NKX6-3: variants seen among roughly 807,000 people sequenced by gnomAD.
The protein encoded by NKX6-3 is homeobox protein Nkx-6.3.
NKX6-3 carries 17 observed loss-of-function variants against 22.0 expected under a neutral mutation model. The ratio of observed to expected loss-of-function variants is 0.77; its 90% CI spans 0.53 to 1.16. The LOEUF is 1.16. Ranked by LOEUF, NKX6-3 falls within the 50% of genes most tolerant of loss-of-function variation. The pLI is 0.00. For synonymous variants in NKX6-3, 177 were observed against 167.2 expected (o/e 1.06, Z -0.45); for missense variants, 363 against 359.0 (o/e 1.01, Z -0.09).
At position 41,647,779 on chromosome 8, in the gene NKX6-3, G is replaced by GGA. The variant is rs143318451; in HGVS notation, c.552+285_552+286dup. On this transcript the variant is annotated intron_variant, in intron 2 of 2. Coordinates refer to ENST00000518699, the MANE Select transcript of NKX6-3 (RefSeq NM_001364841.2). ...CCAGCTCTCCCAGCTCTCCCAGCCGGGAGACACTGATCTTCATCTGCGAAA... is the reference window on the plus strand; with the variant it reads ...CCAGCTCTCCCAGCTCTCCCAGCCGGGAGAGACACTGATCTTCATCTGCGAAA... Among the ~76,000 whole-genome samples the GGA allele has an allele frequency of 9.7e-3, 1,470 of 152,202 alleles. 5 individuals are homozygous for GGA. The highest frequency in any genetic ancestry group is 0.015 in the Non-Finnish European group (1,047 of 68,006).
At position 41,646,390 on chromosome 8, in the gene NKX6-3, A is replaced by G; in HGVS notation, c.*59T>C. 6.5e-7 allele frequency: 1 copy of G among 1,533,998 alleles called. No homozygotes were observed. The highest frequency in any genetic ancestry group is 2.4e-5 in the East Asian group (1 of 40,818). The stretch of plus-strand genomic sequence containing the variant: ...AGCGTGGGGAAGGGGAGGGGAAGGT[A>G]GGCTCCTCGGCGTCCCCCCGCAGGC... On this transcript the variant is annotated 3_prime_UTR_variant, in exon 3 of 3. Coordinates refer to ENST00000518699, the MANE Select transcript of NKX6-3 (RefSeq NM_001364841.2).
Position 41,646,553 on chromosome 8 carries a change from T to A in NKX6-3, c.694A>T (p.Asn232Tyr), listed in dbSNP as rs368688373. Residue 232 changes from asparagine (N) to tyrosine (Y), a missense_variant, in exon 3 of 3, where the codon AAC becomes TAC. Transcript: ENST00000518699. Reference sequence around the variant, plus strand: ...TCCGAGTCGGGGTCCAGCGGCTTGTTGTACTCGTCGTCCTCGTTCTCCGAG... The same window carrying A: ...TCCGAGTCGGGGTCCAGCGGCTTGTAGTACTCGTCGTCCTCGTTCTCCGAG... ...APSENEDDEYNKPLDPDSDDE... is the reference protein window; with the variant it reads ...APSENEDDEYYKPLDPDSDDE... The A allele has an allele frequency of 6.2e-7, 1 of 1,610,370 alleles. No homozygotes were observed. Among genetic ancestry groups the A allele is most frequent in the Non-Finnish European group, 8.5e-7 (1 of 1,178,624 alleles).
chr8:41,647,834 T>C lies in NKX6-3; in HGVS notation c.552+232A>G, dbSNP rs1458002175. Among the ~76,000 whole-genome samples the C allele has an allele frequency of 4.6e-5, 7 of 152,152 alleles. No individual in the cohort carries two copies. The South Asian group carries it at 8.3e-4, about 18-fold the overall frequency. On this transcript the variant is annotated intron_variant, in intron 2 of 2. Coordinates refer to ENST00000518699, the MANE Select transcript of NKX6-3 (RefSeq NM_001364841.2). ...TGATGATACCGACCCCCCGGGTTGCTGAGAGGATGAAATGAGGTGCCGCAC... is the reference window on the plus strand; with the variant it reads ...TGATGATACCGACCCCCCGGGTTGCCGAGAGGATGAAATGAGGTGCCGCAC...
At chr8:41,647,514 T>G (rs535629617) in intron 2 of NKX6-3, among the ~76,000 whole-genome samples, 28 of 152,322 alleles carry the variant, frequency 1.8e-4, no homozygotes, top group African/African-American at 6.5e-4. Context: ...TCCCTAGCCC[T>G]GGCGTGGGCG....
In NKX6-3 at chr8:41,645,413, G is replaced by A. The variant is rs1804178761; in HGVS notation, c.*1036C>T. The A allele has an allele frequency of 6.6e-6, 1 of 152,238 alleles. No homozygotes were observed. Among genetic ancestry groups the A allele is most frequent in the Non-Finnish European group, 1.5e-5 (1 of 68,076 alleles). 9.4% of individuals were successfully genotyped at this position (152,238 alleles called of 1,614,324 possible). A position where few individuals can be genotyped will look rare whatever the true frequency, so the allele number is the denominator to read the frequency against. ...CAGGCCGCAAGGCGATCTGAGGAAA[G>A]GAAGGGCCGTGATTCCCAGCAGGCC... is the stretch of plus-strand genomic sequence containing the variant. On this transcript the variant is annotated 3_prime_UTR_variant, in exon 3 of 3. Transcript: ENST00000518699.
chr8:41,646,957 T>C (rs1357809337), intron 2 of NKX6-3, among the ~76,000 whole-genome samples: 3 of 43,648 alleles, frequency 6.9e-5, no homozygotes, highest in African/African-American at 1.0e-4. Context: ...CCCCTCCCCC[T>C]CCCCCTCCTC....
rs139901321 is a variant in NKX6-3 at position 41,646,586 on chromosome 8, G to A, written c.661C>T (p.Arg221Cys). The A allele has an allele frequency of 8.7e-5, 138 of 1,579,516 alleles. No individual in the cohort carries two copies. Among genetic ancestry groups the A allele is most frequent in the South Asian group, 6.9e-4 (60 of 87,294 alleles). Reference protein sequence around the residue: ...GGAGAGAGGDRAPSENEDDEY... With the variant: ...GGAGAGAGGDCAPSENEDDEY... ...TCGTCCTCGTTCTCCGAGGGTGCGC[G>A]GTCCCCGCCTGCGCCTGCACCCGCG... is the stretch of plus-strand genomic sequence containing the variant. The change falls in exon 3 of 3, where the codon CGC (arginine) becomes TGC (cysteine). Residue 221 changes from arginine to cysteine, a missense_variant. Physicochemically the swap from Arg to Cys is radical, Grantham distance 180. Around this residue, in one of 3 missense-constraint regions of NKX6-3, gnomAD observed 169 missense variants for 155.8 expected, o/e 1.08. Coordinates refer to ENST00000518699, the MANE Select transcript of NKX6-3 (RefSeq NM_001364841.2).
In NKX6-3 at chr8:41,650,477, G is replaced by T; in HGVS notation, c.16C>A (p.Gln6Lys). MESNL[Q>K]GTFLLNNTPL... is the part of the protein sequence containing the mutation. ...GTGTTGTTCAGCAGGAACGTCCCCT[G>T]CAGGTTGGACTCCATGATCTCCCAG... The change falls in exon 1 of 3, where the codon CAG (glutamine) becomes AAG (lysine). Residue 6 changes from glutamine (Q) to lysine (K), a missense_variant. Coordinates refer to ENST00000518699, the MANE Select transcript of NKX6-3 (RefSeq NM_001364841.2). 2 of 1,535,542 alleles carry T rather than the reference G, an allele frequency of 1.3e-6. No individual in the cohort carries two copies. The highest frequency in any genetic ancestry group is 1.7e-6 in the Non-Finnish European group (2 of 1,146,812).
Position 41,649,749 on chromosome 8 carries a change from A to G in NKX6-3, c.382+362T>C, listed in dbSNP as rs183331412. On this transcript the variant is annotated intron_variant, in intron 1 of 2. Transcript: ENST00000518699. ...TAGCATTTGCCTGCTTTGGGTGAAG[A>G]AGTGGTTGCATGGGCCCTGGGCTGC... Among the ~76,000 whole-genome samples, 14 of 152,226 alleles carry G rather than the reference A, an allele frequency of 9.2e-5. 1 individual carries two copies. In the East Asian group the frequency reaches 2.7e-3, roughly 29 times the overall value.
At position 41,646,699 on chromosome 8, in the gene NKX6-3, G is replaced by A. The variant is rs1472538338; in HGVS notation, c.553-5C>T. 2 of 1,537,822 alleles carry A rather than the reference G, an allele frequency of 1.3e-6. No individual in the cohort carries two copies. The highest frequency in any genetic ancestry group is 1.7e-6 in the Non-Finnish European group (2 of 1,145,682). On this transcript the variant is annotated splice_polypyrimidine_tract_variant and splice_region_variant and intron_variant, in intron 2 of 2. Transcript: ENST00000518699. ...CCTGCGGTTCTGGAACCACACCTGC[G>A]ATGAGAAAGAATGTGAAGGGCACAG...
rs1804176311 is a variant in NKX6-3 at position 41,645,305 on chromosome 8, C to A, written c.*1144G>T. On this transcript the variant is annotated 3_prime_UTR_variant, in exon 3 of 3. Coordinates refer to ENST00000518699, the MANE Select transcript of NKX6-3 (RefSeq NM_001364841.2). Reference sequence around the variant, plus strand: ...CCTCACCCGCCTCCCCCAGCCCACCCCCTACCTGCCAGCAGCTCAGATCAC... The same window carrying A: ...CCTCACCCGCCTCCCCCAGCCCACCACCTACCTGCCAGCAGCTCAGATCAC... 1 of 152,066 alleles carries A rather than the reference C, an allele frequency of 6.6e-6. No individual in the cohort carries two copies. Among genetic ancestry groups the A allele is most frequent in the Admixed American group, 6.5e-5 (1 of 15,270 alleles). 9.4% of individuals were successfully genotyped at this position (152,066 alleles called of 1,614,324 possible).
rs2150520414 is a variant in NKX6-3 at position 41,650,104 on chromosome 8, T to A, written c.382+7A>T. The A allele has an allele frequency of 6.5e-7, 1 of 1,531,074 alleles. No individual in the cohort carries two copies. Among genetic ancestry groups the A allele is most frequent in the East Asian group, 2.4e-5 (1 of 40,872 alleles). The allele number at this position is 1,531,074 out of a possible 1,614,324, so 94.8% of individuals were successfully genotyped here. On this transcript the variant is annotated splice_region_variant and intron_variant, in intron 1 of 2. Coordinates refer to ENST00000518699, the MANE Select transcript of NKX6-3 (RefSeq NM_001364841.2). ...CCGGGAGGTGGCTGGGGAGGACCCGTACTCACTGTTGCTGCACTGCCGCCC... is the reference window on the plus strand; with the variant it reads ...CCGGGAGGTGGCTGGGGAGGACCCGAACTCACTGTTGCTGCACTGCCGCCC...
chr8:41,649,365 G>A (rs1021364141), intron 1 of NKX6-3, among the ~76,000 whole-genome samples: 1 of 152,150 alleles, frequency 6.6e-6, no homozygotes, highest in Admixed American at 6.5e-5. Context: ...GCACGGAGAA[G>A]ATTCCAAAAA....
Position 41,646,189 on chromosome 8 carries a change from A to C in NKX6-3, c.*260T>G. 1 of 568,582 alleles carries C rather than the reference A, an allele frequency of 1.8e-6. No individual in the cohort carries two copies. The highest frequency in any genetic ancestry group is 2.3e-5 in the South Asian group (1 of 44,140). 35.2% of individuals were successfully genotyped at this position (568,582 alleles called of 1,614,324 possible). A position where few individuals can be genotyped will look rare whatever the true frequency, so the allele number is the denominator to read the frequency against. The stretch of plus-strand genomic sequence containing the variant: ...GGAGGTGCAAGGGGCAGCGGCTTCC[A>C]GGTCTCAGGAGTGCTGTGCCTCCCT... On this transcript the variant is annotated 3_prime_UTR_variant, in exon 3 of 3. Transcript: ENST00000518699.
intron 1 of NKX6-3, among the ~76,000 whole-genome samples, chr8:41,648,983 G>A (rs927881784): frequency 3.3e-5 from 5 of 152,236 alleles, no homozygotes; most frequent in African/African-American, 1.2e-4. Flanking sequence ...GCCTTCATTA[G>A]CCACTGACTT....
At chr8:41,646,793 G>A (rs938126258) in intron 2 of NKX6-3, 99 bp from the exon 3 acceptor site, 13 of 1,444,422 alleles carry the variant, frequency 9.0e-6, no homozygotes, top group Middle Eastern at 1.7e-4. Context: ...GCTCAACAAC[G>A]GAGTGACTGT....
intron 1 of NKX6-3, among the ~76,000 whole-genome samples, chr8:41,649,859 C>T (rs1325116083): frequency 1.3e-5 from 2 of 152,072 alleles, no homozygotes; most frequent in Admixed American, 1.3e-4. Context: ...CTGCCGGGGG[C>T]CCTAGGAGGG....
chr8:41,646,652 C>G lies in NKX6-3; in HGVS notation c.595G>C (p.Ala199Pro), dbSNP rs1382422215. Reference protein sequence around the residue: ...NRRTKWRKKSALEPSSSTPRA... With the variant: ...NRRTKWRKKSPLEPSSSTPRA... The stretch of plus-strand genomic sequence containing the variant: ...GGCGTGGAGGACGAGGGCTCCAGGG[C>G]GCTCTTCTTCCGCCACTTGGTCCTG... The change falls in exon 3 of 3, where the codon GCC becomes CCC. Residue 199 changes from alanine to proline, a missense_variant. Transcript: ENST00000518699. The G allele has an allele frequency of 6.5e-7, 1 of 1,546,564 alleles. No homozygotes were observed. Among genetic ancestry groups the G allele is most frequent in the South Asian group, 1.2e-5 (1 of 84,168 alleles).
In NKX6-3 at chr8:41,646,501, C is replaced by A. The variant is rs762081302; in HGVS notation, c.746G>T (p.Arg249Leu). ...SDDEKIRLLL[R>L]KHRAAFSVLS... ...CACCGAGAAGGCGGCGCGGTGCTTGCGCAGCAGCAGGCGGATCTTCTCGTC... is the reference window on the plus strand; with the variant it reads ...CACCGAGAAGGCGGCGCGGTGCTTGAGCAGCAGCAGGCGGATCTTCTCGTC... The change falls in exon 3 of 3, where the codon CGC becomes CTC. Residue 249 changes from arginine to leucine, a missense_variant. Arg to Leu is a moderately radical substitution (Grantham distance 102). Transcript: ENST00000518699. The A allele has an allele frequency of 1.8e-5, 29 of 1,611,126 alleles. No individual in the cohort carries two copies. Among genetic ancestry groups the A allele is most frequent in the African/African-American group, 2.7e-5 (2 of 75,000 alleles).
Sources: allele counts gnomAD v4.1 joint callset (sites outside exome capture counted in the v4.1 genomes callset), GRCh38; gene constraint gnomAD v4.1.1; regional missense constraint gnomAD v4.1.1; transcripts MANE v1.5; gene names NCBI Gene and HGNC (gene_info 2026-07-23, HGNC 2026-07-21).